SLC37A3: variants seen among roughly 807,000 people sequenced by gnomAD.
SLC37A3 encodes the protein sugar phosphate exchanger 3.
Under a neutral mutation model 67.1 loss-of-function variants are expected in SLC37A3, and 51 were observed. The observed-to-expected ratio is 0.76, with a 90% CI of 0.61 to 0.96. The LOEUF (loss-of-function observed/expected upper bound fraction) is 0.96, where lower values mean the gene tolerates loss of function less well. Ranked by LOEUF, SLC37A3 falls within the 40% of genes least tolerant of loss-of-function variation. The pLI is 0.00. For synonymous variants in SLC37A3, 214 were observed against 231.4 expected (o/e 0.92, Z 0.68); for missense variants, 508 against 603.0 (o/e 0.84, Z 1.65).
intron 3 of SLC37A3, among the ~76,000 whole-genome samples, chr7:140,371,029 T>A (rs1381993959): frequency 2.0e-5 from 3 of 152,020 alleles, no homozygotes; most frequent in African/African-American, 7.3e-5. Context: ...GAGGAGGCCA[T>A]CCCAAGCCCC....
intron 5 of SLC37A3, among the ~76,000 whole-genome samples, chr7:140,361,878 G>A (rs1204815270): frequency 1.4e-5 from 2 of 144,980 alleles, no homozygotes; most frequent in Non-Finnish European, 3.0e-5. Flanking sequence ...CTGGAGTGCA[G>A]TGGCGTGATC....
chr7:140,380,177 T>C lies in SLC37A3; in HGVS notation c.198+105A>G. 5.2e-6 allele frequency: 3 copies of C among 579,822 alleles called. 1 individual carries two copies. In the South Asian group the frequency reaches 7.5e-5, roughly 15 times the overall value. The allele number at this position is 579,822 out of a possible 1,614,324, so 35.9% of individuals were successfully genotyped here. On this transcript the variant is annotated intron_variant, in intron 3 of 14. Transcript: ENST00000326232. ...TTATGTGATAGGAAACAGTGAGCCA[T>C]TTCAGAGTCTAGGCAAGTAAAAGAT...
At chr7:140,355,856 G>A in intron 6 of SLC37A3, 92 bp from the exon 7 acceptor site, 2 of 1,030,862 alleles carry the variant, frequency 1.9e-6, no homozygotes, top group African/African-American at 1.6e-5. Flanking sequence ...CAACCAAGGT[G>A]CATACTACCA....
At chr7:140,393,202 C>G (rs1479091832) in intron 1 of SLC37A3, among the ~76,000 whole-genome samples, 1 of 152,176 alleles carries the variant, frequency 6.6e-6, no homozygotes, top group Non-Finnish European at 1.5e-5. Flanking sequence ...CAATCTGTGC[C>G]TCTGCACACA....
intron 5 of SLC37A3, among the ~76,000 whole-genome samples, chr7:140,362,573 A>G (rs1321323879): frequency 1.4e-4 from 13 of 95,270 alleles, no homozygotes; most frequent in East Asian, 1.1e-3. Context: ...CCGCCCGGCC[A>G]GCCGCCCCGT....
At chr7:140,355,159 CAGA>C (rs1796970799) in intron 7 of SLC37A3, among the ~76,000 whole-genome samples, 1 of 151,466 alleles carries the variant, frequency 6.6e-6, no homozygotes, top group African/African-American at 2.4e-5. Flanking sequence ...TTGAATATAT[CAGA>C]AGTTTATCTA....
chr7:140,396,366 T>C (rs1798927465), intron 1 of SLC37A3, among the ~76,000 whole-genome samples: 2 of 152,188 alleles, frequency 1.3e-5, no homozygotes, highest in South Asian at 4.1e-4. Context: ...ACGAAGCCAT[T>C]TACTTGAACC....
chr7:140,372,932 CT>C (rs1488962390), intron 3 of SLC37A3, among the ~76,000 whole-genome samples: 2 of 151,678 alleles, frequency 1.3e-5, no homozygotes, highest in Non-Finnish European at 2.9e-5. Context: ...ATTTTATAAA[CT>C]GTAGGCCTTG....
chr7:140,342,002 T>C (rs1796378852), intron 13 of SLC37A3, among the ~76,000 whole-genome samples: 1 of 152,180 alleles, frequency 6.6e-6, no homozygotes, highest in African/African-American at 2.4e-5. Flanking sequence ...TTTAGTCTTA[T>C]AATCAAATAT....
intron 13 of SLC37A3, among the ~76,000 whole-genome samples, chr7:140,339,722 C>T (rs1315607267): frequency 6.6e-6 from 1 of 151,664 alleles, no homozygotes; most frequent in African/African-American, 2.4e-5. Flanking sequence ...TCCTTGCCAG[C>T]ACCAGTCACC....
chr7:140,358,550 GGCA>G, intron 6 of SLC37A3, 87 bp downstream of exon 6: 1 of 1,551,728 alleles, frequency 6.4e-7, no homozygotes, highest in Non-Finnish European at 8.8e-7. Context: ...TGGTATCTAA[GGCA>G]GCAAAGTAAC....
At chr7:140,372,354 G>C (rs1456682064) in intron 3 of SLC37A3, among the ~76,000 whole-genome samples, 1 of 152,178 alleles carries the variant, frequency 6.6e-6, no homozygotes, top group Non-Finnish European at 1.5e-5. Flanking sequence ...CCAGAGCCTT[G>C]CTCCAAGGGG....
chr7:140,377,960 C>T (rs1196655935), intron 3 of SLC37A3, among the ~76,000 whole-genome samples: 1 of 152,194 alleles, frequency 6.6e-6, no homozygotes, highest in African/African-American at 2.4e-5. Flanking sequence ...CGGCCTCTTC[C>T]CTTTGCTGAG....
chr7:140,385,631 TAC>T (rs1033999212), intron 1 of SLC37A3, among the ~76,000 whole-genome samples: 1 of 152,188 alleles, frequency 6.6e-6, no homozygotes, highest in Admixed American at 6.5e-5. Flanking sequence ...CCTAGGGCTG[TAC>T]AGTTATATTA....
At chr7:140,382,397 A>C in intron 2 of SLC37A3, 41 bp downstream of exon 2, 1 of 1,579,666 alleles carries the variant, frequency 6.3e-7, no homozygotes, top group Non-Finnish European at 8.7e-7. Flanking sequence ...TCAAAAGAAA[A>C]AAGAAAAAAA....
chr7:140,355,593 T>G, intron 7 of SLC37A3, 75 bp downstream of exon 7: 1 of 1,276,312 alleles, frequency 7.8e-7, no homozygotes, highest in Non-Finnish European at 1.1e-6. Context: ...ACAGTATTAT[T>G]TAATACATAA....
intron 1 of SLC37A3, 85 bp downstream of exon 1, chr7:140,398,305 GGGGGCCGCCACCTACATCTCCCCACC>G (rs1355871681): frequency 6.6e-6 from 1 of 152,244 alleles, no homozygotes; most frequent in Admixed American, 6.5e-5. Flanking sequence ...CCCACCCAAG[GGGGGCCGCCACCTACATCTCCCCACC>G]GCCCTCCCGA....
intron 13 of SLC37A3, among the ~76,000 whole-genome samples, chr7:140,341,067 T>C (rs1296127972): frequency 1.3e-5 from 2 of 152,114 alleles, no homozygotes; most frequent in Non-Finnish European, 2.9e-5. Context: ...TCCTAAGTAG[T>C]TGGGACAGGC....
intron 1 of SLC37A3, among the ~76,000 whole-genome samples, chr7:140,388,288 C>A (rs1027538869): frequency 6.6e-6 from 1 of 150,624 alleles, no homozygotes; most frequent in African/African-American, 2.4e-5. Flanking sequence ...CAAAAAGTAG[C>A]CAGGTGTGGT....
Sources: allele counts gnomAD v4.1 joint callset (sites outside exome capture counted in the v4.1 genomes callset), GRCh38; gene constraint gnomAD v4.1.1; transcripts MANE v1.5; gene names NCBI Gene and HGNC (gene_info 2026-07-23, HGNC 2026-07-21).